TMEM45B: variants seen among roughly 807,000 people sequenced by gnomAD.
The protein encoded by TMEM45B is transmembrane protein 45B.
A neutral mutation model predicts 27.3 loss-of-function variants in TMEM45B; 29 were observed. The observed-to-expected ratio is 1.06, with a 90% CI of 0.79 to 1.45. TMEM45B has a LOEUF of 1.45. Among genes scored for constraint, TMEM45B ranks in the 40% most tolerant of loss-of-function variants. The pLI, the probability that TMEM45B is intolerant of heterozygous loss-of-function variation, is 0.00. For missense variants in TMEM45B, 348 were observed against 343.9 expected (o/e 1.01, Z -0.09); for synonymous variants, 143 against 134.7 (o/e 1.06, Z -0.43).
intron 1 of TMEM45B, among the ~76,000 whole-genome samples, chr11:129,847,147 A>G (rs555797876): frequency 6.6e-6 from 1 of 152,302 alleles, no homozygotes; most frequent in African/African-American, 2.4e-5. Context: ...ATGCCTGACA[A>G]TGATGGATTA....
chr11:129,847,840 C>G (rs1486630720), intron 1 of TMEM45B, among the ~76,000 whole-genome samples: 8 of 152,102 alleles, frequency 5.3e-5, no homozygotes, highest in African/African-American at 1.9e-4. Flanking sequence ...CACCTTTCCC[C>G]CTTTTCTATT....
At position 129,855,912 on chromosome 11, in the gene TMEM45B, C is replaced by G. The variant is rs377463069; in HGVS notation, c.570+20C>G. The G allele has an allele frequency of 1.3e-5, 21 of 1,613,146 alleles. No homozygotes were observed. The highest frequency in any genetic ancestry group is 1.7e-5 in the Non-Finnish European group (20 of 1,179,510). On this transcript the variant is annotated intron_variant, in intron 4 of 5. Transcript: ENST00000281441. Reference sequence around the variant, plus strand: ...TGGCAGGTGATTTTCCACACCCAGGCCCCTCGCTGGTCTGGATGGAGAAGC... The same window carrying G: ...TGGCAGGTGATTTTCCACACCCAGGGCCCTCGCTGGTCTGGATGGAGAAGC...
intron 1 of TMEM45B, among the ~76,000 whole-genome samples, chr11:129,823,764 C>T (rs1947448293): frequency 6.6e-6 from 1 of 152,176 alleles, no homozygotes; most frequent in Admixed American, 6.5e-5. Flanking sequence ...CTCCCCATAT[C>T]ACCCTACTAA....
At chr11:129,851,189 G>A (rs1338216034) in intron 1 of TMEM45B, among the ~76,000 whole-genome samples, 1 of 152,186 alleles carries the variant, frequency 6.6e-6, no homozygotes, top group African/African-American at 2.4e-5. Context: ...CCCTGTATGA[G>A]GGAGGGCATC....
rs752605654 is a variant in TMEM45B, at chr11:129,855,869, C to CGT, written c.547_548insGT (p.Leu183ArgfsTer60). ...ACTTTTCCGAACCAGTCTCATCATT[C>CGT]TTCAGGGAACCTGGTTCTGGCAGGT... On this transcript the variant is annotated frameshift_variant, in exon 4 of 6. Transcript: ENST00000281441. LOFTEE classifies it high-confidence loss of function. 5 of 1,614,074 alleles carry CGT rather than the reference C, an allele frequency of 3.1e-6. No homozygotes were observed. The highest frequency in any genetic ancestry group is 3.4e-6 in the Non-Finnish European group (4 of 1,180,048).
chr11:129,836,421 G>C (rs1947620663), intron 1 of TMEM45B, among the ~76,000 whole-genome samples: 4 of 152,278 alleles, frequency 2.6e-5, no homozygotes, highest in Admixed American at 2.6e-4. Flanking sequence ...TGTAGGGATG[G>C]GGATAAGTGT....
At position 129,851,542 on chromosome 11, in the gene TMEM45B, T is replaced by TAAAAAAA. The variant is rs1947846295; in HGVS notation, c.-8-933_-8-932insAAAAAAA. 1.4e-4 allele frequency among the ~76,000 whole-genome samples: 3 copies of TAAAAAAA among 21,950 alleles called. No individual in the cohort carries two copies. In the African/African-American group the frequency reaches 1.6e-3, roughly 11 times the overall value. The allele number at this position is 21,950 out of a possible 152,430, so 14.4% of individuals were successfully genotyped here. A position where few individuals can be genotyped will look rare whatever the true frequency, so the allele number is the denominator to read the frequency against. On this transcript the variant is annotated intron_variant, in intron 1 of 5. Transcript: ENST00000281441. ...CTGGGTGACAGAGTGAAACTCTGCC[T>TAAAAAAA]CAAAAAAAAAAAAAAAGTCCCCTTC...
intron 2 of TMEM45B, among the ~76,000 whole-genome samples, chr11:129,853,689 G>A (rs755075494): frequency 2.0e-5 from 3 of 151,618 alleles, no homozygotes; most frequent in Non-Finnish European, 4.4e-5. Context: ...GAGATACACT[G>A]GGGAACCACA....
At chr11:129,853,907 T>C (rs543217333) in intron 2 of TMEM45B, among the ~76,000 whole-genome samples, 1 of 152,202 alleles carries the variant, frequency 6.6e-6, no homozygotes, top group African/African-American at 2.4e-5. Context: ...TAAAGACAAA[T>C]CTTTTGCCTT....
chr11:129,826,504 G>A (rs1187504459), intron 1 of TMEM45B, among the ~76,000 whole-genome samples: 2 of 136,492 alleles, frequency 1.5e-5, no homozygotes, highest in African/African-American at 5.5e-5. Context: ...AGCCGAGATG[G>A]CGCCACTGCA....
At chr11:129,817,380 A>G (rs1253301042) in intron 1 of TMEM45B, among the ~76,000 whole-genome samples, 1 of 152,160 alleles carries the variant, frequency 6.6e-6, no homozygotes, top group Non-Finnish European at 1.5e-5. Context: ...TGGTTTAATA[A>G]GGATATTGGC....
intron 1 of TMEM45B, among the ~76,000 whole-genome samples, chr11:129,843,982 G>A (rs1947728130): frequency 6.6e-6 from 1 of 152,116 alleles, no homozygotes; most frequent in Non-Finnish European, 1.5e-5. Flanking sequence ...ATCTTGAAAA[G>A]ATATCTGCCC....
At chr11:129,846,231 G>A (rs1226046971) in intron 1 of TMEM45B, among the ~76,000 whole-genome samples, 1 of 152,244 alleles carries the variant, frequency 6.6e-6, no homozygotes, top group Non-Finnish European at 1.5e-5. Context: ...ATGTTGGGAG[G>A]TCAAGGCAGG....
chr11:129,854,851 C>A, intron 3 of TMEM45B, 35 bp downstream of exon 3: 1 of 1,595,314 alleles, frequency 6.3e-7, no homozygotes. Context: ...GGAAGGAGAG[C>A]CTGACAAGTC....
At chr11:129,853,309 CA>C (rs1947874689) in intron 2 of TMEM45B, among the ~76,000 whole-genome samples, 1 of 152,268 alleles carries the variant, frequency 6.6e-6, no homozygotes, top group Non-Finnish European at 1.5e-5. Context: ...TGTTCTTCCT[CA>C]GGACCAGCCC....
At chr11:129,817,606 G>A (rs1276718827) in intron 1 of TMEM45B, among the ~76,000 whole-genome samples, 1 of 152,176 alleles carries the variant, frequency 6.6e-6, no homozygotes, top group Admixed American at 6.5e-5. Context: ...TCTTCATGAA[G>A]ATGGAAACAG....
intron 1 of TMEM45B, among the ~76,000 whole-genome samples, chr11:129,839,299 A>G (rs1489669623): frequency 6.6e-6 from 1 of 152,148 alleles, no homozygotes; most frequent in African/African-American, 2.4e-5. Flanking sequence ...TCTGGAAATG[A>G]GAGTCATGGA....
chr11:129,858,375 T>G (rs562132034), intron 5 of TMEM45B, among the ~76,000 whole-genome samples, 199 bp from the exon 6 acceptor site: 1 of 152,232 alleles, frequency 6.6e-6, no homozygotes, highest in African/African-American at 2.4e-5. Flanking sequence ...GCCTCAATTA[T>G]GACATTCAGT....
At chr11:129,835,409 A>G (rs770456562) in intron 1 of TMEM45B, among the ~76,000 whole-genome samples, 1 of 152,168 alleles carries the variant, frequency 6.6e-6, no homozygotes, top group African/African-American at 2.4e-5. Flanking sequence ...TGTGGATTGC[A>G]TAGGAGGCCA....
Sources: gnomAD v4.1 joint callset for allele counts (sites outside exome capture counted in the v4.1 genomes callset) on GRCh38, gnomAD v4.1.1 for gene constraint, MANE v1.5 for transcripts, NCBI Gene and HGNC (gene_info 2026-07-23, HGNC 2026-07-21) for gene names.